The following ELAPOR2 variants were observed in gnomAD, a reference collection of about 807,000 sequenced individuals.
ELAPOR2 encodes endosome-lysosome associated apoptosis and autophagy regulator family member 2.
ELAPOR2 carries 89 observed loss-of-function variants against 120.7 expected under a neutral mutation model. The ratio of observed to expected loss-of-function variants is 0.74; its 90% CI spans 0.62 to 0.88. The LOEUF is 0.88. ELAPOR2 is among the 40% of genes least tolerant of loss of function. The probability of loss-of-function intolerance (pLI) is 0.00; values close to 1 mark genes in which losing one functional copy is unlikely to be tolerated. For synonymous variants in ELAPOR2, 444 were observed against 444.9 expected (o/e 1.00, Z 0.03); for missense variants, 1,134 against 1,251.6 (o/e 0.91, Z 1.42).
At chr7:86,990,021 C>A (rs2116592525) in intron 1 of ELAPOR2, among the ~76,000 whole-genome samples, 1 of 151,898 alleles carries the variant, frequency 6.6e-6, no homozygotes, top group South Asian at 2.1e-4. Context: ...GTGATTGGAT[C>A]ATGAGGGTTC....
intron 1 of ELAPOR2, among the ~76,000 whole-genome samples, chr7:86,995,380 G>T (rs1793089187): frequency 6.6e-6 from 1 of 152,186 alleles, no homozygotes; most frequent in Non-Finnish European, 1.5e-5. Flanking sequence ...ACAGGTAGAA[G>T]GCTGGATTTA....
intron 1 of ELAPOR2, among the ~76,000 whole-genome samples, chr7:87,017,078 A>G (rs1345379094): frequency 6.6e-6 from 1 of 152,248 alleles, no homozygotes; most frequent in Non-Finnish European, 1.5e-5. Flanking sequence ...GATAAATGCC[A>G]TAATGTTGAA....
chr7:87,056,660 C>A (rs1460315667), intron 1 of ELAPOR2, among the ~76,000 whole-genome samples: 1 of 152,172 alleles, frequency 6.6e-6, no homozygotes, highest in Non-Finnish European at 1.5e-5. Flanking sequence ...GAGTTTCACC[C>A]CAGAGTCCAT....
intron 12 of ELAPOR2, 51 bp downstream of exon 12, chr7:86,918,391 G>C (rs777943425): frequency 1.1e-6 from 1 of 916,402 alleles, no homozygotes; most frequent in Non-Finnish European, 1.7e-6. Context: ...TACACTTGAA[G>C]GAGAATGCTA....
At chr7:86,984,373 C>G (rs1346132828) in intron 1 of ELAPOR2, among the ~76,000 whole-genome samples, 1 of 152,220 alleles carries the variant, frequency 6.6e-6, no homozygotes, top group South Asian at 2.1e-4. Context: ...CCCAAATCAA[C>G]AGAATATACA....
At chr7:86,903,546 C>A (rs1788819840) in intron 18 of ELAPOR2, among the ~76,000 whole-genome samples, 1 of 152,044 alleles carries the variant, frequency 6.6e-6, no homozygotes, top group Non-Finnish European at 1.5e-5. Flanking sequence ...ACAGTCCTTC[C>A]CCAAAGACCA....
Position 87,048,958 on chromosome 7 carries a change from T to C in ELAPOR2, c.189+10367A>G, listed in dbSNP as rs80013067. ...ATCCAGACACTGTTTTGCATTGTTTTTGATCATAACAAACATTGATTATAA... is the reference window on the plus strand; with the variant it reads ...ATCCAGACACTGTTTTGCATTGTTTCTGATCATAACAAACATTGATTATAA... On this transcript the variant is annotated intron_variant, in intron 1 of 21. Transcript: ENST00000450689. Among the ~76,000 whole-genome samples the C allele has an allele frequency of 9.1e-4, 138 of 152,352 alleles. 1 individual carries two copies. The highest frequency in any genetic ancestry group is 6.9e-3 in the East Asian group (36 of 5,192).
At chr7:86,944,770 A>T (rs1790933419) in intron 4 of ELAPOR2, 129 bp downstream of exon 4, 4 of 635,500 alleles carry the variant, frequency 6.3e-6, no homozygotes, top group Non-Finnish European at 1.0e-5. Flanking sequence ...TTAACATCAA[A>T]AGGTTCAGTT....
chr7:86,896,334 T>C (rs1183784672), intron 19 of ELAPOR2, among the ~76,000 whole-genome samples: 2 of 152,094 alleles, frequency 1.3e-5, no homozygotes, highest in Non-Finnish European at 1.5e-5. Flanking sequence ...TAATTCTTAA[T>C]ATAGTTTCAC....
chr7:86,979,382 G>GT lies in ELAPOR2; in HGVS notation c.190-14359dup, dbSNP rs142999189. Among the ~76,000 whole-genome samples, 24 of 152,298 alleles carry GT rather than the reference G, an allele frequency of 1.6e-4. No individual in the cohort carries two copies. The East Asian group carries it at 3.9e-3, about 24-fold the overall frequency. On this transcript the variant is annotated intron_variant, in intron 1 of 21. Transcript: ENST00000450689. ...TAGTTTAACTACAGGTGACAAAATC[G>GT]TAAGTGTAACCTAGTAGAACAAAGA...
chr7:86,956,714 T>C (rs910851526), intron 2 of ELAPOR2, among the ~76,000 whole-genome samples: 7 of 152,190 alleles, frequency 4.6e-5, no homozygotes, highest in Admixed American at 1.3e-4. Context: ...TTGCAGCTTC[T>C]TGACTTCAAT....
At chr7:86,894,806 A>G (rs1049484903) in intron 19 of ELAPOR2, among the ~76,000 whole-genome samples, 1 of 152,084 alleles carries the variant, frequency 6.6e-6, no homozygotes, top group East Asian at 1.9e-4. Flanking sequence ...AAATTTTAAG[A>G]CAGTCCCCTT....
At chr7:86,987,138 G>T (rs1792772173) in intron 1 of ELAPOR2, among the ~76,000 whole-genome samples, 1 of 152,216 alleles carries the variant, frequency 6.6e-6, no homozygotes, top group Admixed American at 6.5e-5. Flanking sequence ...AAACTGGGTA[G>T]TCATATGTAG....
At chr7:86,943,301 T>TA (rs11377546) in intron 4 of ELAPOR2, among the ~76,000 whole-genome samples, 88,834 of 149,072 alleles carry the variant, frequency 0.6, 28,077 homozygotes, top group African/African-American at 0.81. Context: ...CATCATCATT[T>TA]AAAAAAAAAA....
At chr7:86,950,024 T>C (rs75755333) in intron 2 of ELAPOR2, among the ~76,000 whole-genome samples, 7 of 152,164 alleles carry the variant, frequency 4.6e-5, no homozygotes, top group African/African-American at 1.4e-4. Context: ...AGACTGCCCA[T>C]GGCCGCCCAT....
intron 11 of ELAPOR2, among the ~76,000 whole-genome samples, 195 bp from the exon 12 acceptor site, chr7:86,918,739 G>A (rs549244399): frequency 1.3e-5 from 2 of 152,060 alleles, no homozygotes; most frequent in East Asian, 1.9e-4. Flanking sequence ...TCCACATAAC[G>A]ATGGTAATAT....
In ELAPOR2 at chr7:86,918,446, A is replaced by G; in HGVS notation, c.1589T>C (p.Met530Thr). 1.2e-6 allele frequency: 2 copies of G among 1,607,990 alleles called. No individual in the cohort carries two copies. The change falls in exon 12 of 22, where the codon ATG (methionine) becomes ACG (threonine). Residue 530 changes from methionine to threonine, a missense_variant. Met to Thr is a moderately conservative substitution (Grantham distance 81, BLOSUM62 -1). This residue lies in a region of ELAPOR2 where 831 missense variants were observed against 867.6 expected (regional missense o/e 0.96). Coordinates refer to ENST00000450689, the MANE Select transcript of ELAPOR2 (RefSeq NM_001142749.3). ...GAAAGCCGCCCGTCCACTTACCACC[A>G]TGAAGTACAAAACACAGTCAGCTGA... The part of the protein sequence containing the change: ...LCSADCVLYF[M>T]VDINRKSTNV...
chr7:87,009,219 G>A (rs1041827797), intron 1 of ELAPOR2, among the ~76,000 whole-genome samples: 12 of 152,106 alleles, frequency 7.9e-5, no homozygotes, highest in Admixed American at 6.6e-4. Flanking sequence ...TACAAAAACC[G>A]TACAAAGTTT....
intron 18 of ELAPOR2, among the ~76,000 whole-genome samples, chr7:86,898,069 T>C (rs778938207): frequency 6.6e-6 from 1 of 152,046 alleles, no homozygotes; most frequent in Non-Finnish European, 1.5e-5. Context: ...TTTTATATAA[T>C]AACCAAAAGG....
Sources: allele counts gnomAD v4.1 joint callset (sites outside exome capture counted in the v4.1 genomes callset), GRCh38; gene constraint gnomAD v4.1.1; regional missense constraint gnomAD v4.1.1; transcripts MANE v1.5; gene names NCBI Gene and HGNC (gene_info 2026-07-23, HGNC 2026-07-21).